TOPAZ1: variants seen among roughly 807,000 people sequenced by gnomAD.
The protein encoded by TOPAZ1 is testis and ovary specific TOPAZ 1.
Under a neutral mutation model 172.2 loss-of-function variants are expected in TOPAZ1, and 66 were observed. The observed-to-expected ratio is 0.38, with a 90% CI of 0.31 to 0.47. The LOEUF is 0.47. TOPAZ1 is among the 20% of genes least tolerant of loss of function. The pLI, the probability that TOPAZ1 is intolerant of heterozygous loss-of-function variation, is 0.99. For missense variants in TOPAZ1, 1,822 were observed against 1,972.4 expected (o/e 0.92, Z 1.44); for synonymous variants, 681 against 683.9 (o/e 1.00, Z 0.07).
intron 2 of TOPAZ1, among the ~76,000 whole-genome samples, chr3:44,249,006 C>G (rs373128537): frequency 2.0e-5 from 3 of 152,170 alleles, no homozygotes; most frequent in African/African-American, 7.2e-5. Flanking sequence ...TTCACTAAAA[C>G]TTGAACTGAT....
chr3:44,316,989 T>A (rs1452814136), intron 16 of TOPAZ1, among the ~76,000 whole-genome samples: 1 of 152,234 alleles, frequency 6.6e-6, no homozygotes, highest in African/African-American at 2.4e-5. Context: ...TCTCTCCACT[T>A]GTCTCCATTT....
At chr3:44,274,621 C>A (rs61444620) in intron 8 of TOPAZ1, among the ~76,000 whole-genome samples, 4 of 149,262 alleles carry the variant, frequency 2.7e-5, no homozygotes, top group South Asian at 4.2e-4. Flanking sequence ...ATGGCACAAT[C>A]TCAGCTCACT....
At position 44,254,992 on chromosome 3, in the gene TOPAZ1, A is replaced by G. The variant is rs973392797; in HGVS notation, c.2790A>G (p.Gly930=). Residue 930 remains glycine, a synonymous_variant, in exon 3 of 20, where the codon GGA becomes GGG. Coordinates refer to ENST00000309765, the MANE Select transcript of TOPAZ1 (RefSeq NM_001145030.2). ...DLRELPVLDC[G]WIKPDICASN... is the part of the protein sequence containing the mutation. ...GAGAACTTCCTGTACTGGACTGTGG[A>G]TGGATAAAGCCAGACATCTGTGCTT... is the stretch of plus-strand genomic sequence containing the variant. 7.7e-6 allele frequency: 12 copies of G among 1,551,446 alleles called. No individual in the cohort carries two copies. The highest frequency in any genetic ancestry group is 2.7e-5 in the African/African-American group (2 of 73,062).
intron 19 of TOPAZ1, among the ~76,000 whole-genome samples, 180 bp downstream of exon 19, chr3:44,328,613 G>T (rs1336756320): frequency 3.3e-5 from 5 of 152,128 alleles, no homozygotes; most frequent in Non-Finnish European, 7.4e-5. Context: ...GAAAGGATTA[G>T]ACCTGTTTGA....
rs1357439430 is a variant in TOPAZ1 at position 44,270,771 on chromosome 3, G to T, written c.3333G>T (p.Leu1111=). 6.4e-7 allele frequency: 1 copy of T among 1,550,768 alleles called. No individual in the cohort carries two copies. Among genetic ancestry groups the T allele is most frequent in the Non-Finnish European group, 8.7e-7 (1 of 1,146,440 alleles). The stretch of plus-strand genomic sequence containing the variant: ...CATTACGTGGCTGTGAGCGACCACT[G>T]TGCAAGTTTGCTCATGTGCCTGAAC... The part of the protein sequence containing the change: ...FNTLRGCERP[L]CKFAHVPEQG... Residue 1111 remains leucine (L), a synonymous_variant, in exon 8 of 20, where the codon CTG becomes CTT. Coordinates refer to ENST00000309765, the MANE Select transcript of TOPAZ1 (RefSeq NM_001145030.2).
At chr3:44,313,938 A>C (rs1209597233) in intron 16 of TOPAZ1, among the ~76,000 whole-genome samples, 1 of 152,230 alleles carries the variant, frequency 6.6e-6, no homozygotes, top group African/African-American at 2.4e-5. Context: ...ATGAAGATGC[A>C]GCTTATGAAA....
At chr3:44,258,625 T>A (rs533254459) in intron 4 of TOPAZ1, among the ~76,000 whole-genome samples, 1 of 152,310 alleles carries the variant, frequency 6.6e-6, no homozygotes, top group South Asian at 2.1e-4. Flanking sequence ...TTCAACCAAG[T>A]CATTGCATAT....
intron 8 of TOPAZ1, among the ~76,000 whole-genome samples, chr3:44,279,132 G>A (rs1459530898): frequency 6.6e-6 from 1 of 152,090 alleles, no homozygotes; most frequent in Non-Finnish European, 1.5e-5. Context: ...TATTTGCACA[G>A]TTTCCAGAGT....
chr3:44,265,751 T>C (rs1360728050), intron 5 of TOPAZ1, among the ~76,000 whole-genome samples: 1 of 152,152 alleles, frequency 6.6e-6, no homozygotes, highest in Admixed American at 6.5e-5. Context: ...CAGGCTTTGA[T>C]GTTTCATTTA....
intron 15 of TOPAZ1, among the ~76,000 whole-genome samples, chr3:44,306,806 A>C (rs938376875): frequency 6.6e-6 from 1 of 152,192 alleles, no homozygotes; most frequent in Non-Finnish European, 1.5e-5. Flanking sequence ...GAAAAATCAG[A>C]CCTTGGTGAT....
intron 18 of TOPAZ1, among the ~76,000 whole-genome samples, 172 bp downstream of exon 18, chr3:44,323,467 T>G (rs569788532): frequency 2.0e-5 from 3 of 152,372 alleles, no homozygotes; most frequent in Admixed American, 1.3e-4. Context: ...TTGTTTCTCT[T>G]CTGTTTCCAG....
downstream of TOPAZ1, among the ~76,000 whole-genome samples, chr3:44,335,870 A>G (rs1335402275): frequency 6.6e-6 from 1 of 152,210 alleles, no homozygotes; most frequent in African/African-American, 2.4e-5. Flanking sequence ...ATTAACTCAA[A>G]GGAAGGAATC....
At chr3:44,258,812 T>C (rs1462783069) in intron 4 of TOPAZ1, among the ~76,000 whole-genome samples, 1 of 152,202 alleles carries the variant, frequency 6.6e-6, no homozygotes, top group Non-Finnish European at 1.5e-5. Flanking sequence ...TCTATGTGTT[T>C]TAATTTCTCT....
intron 12 of TOPAZ1, among the ~76,000 whole-genome samples, chr3:44,302,205 T>A (rs994558014): frequency 2.0e-5 from 3 of 152,166 alleles, no homozygotes; most frequent in Non-Finnish European, 4.4e-5. Flanking sequence ...GGTCAGGAGA[T>A]AGAGACCATT....
At chr3:44,268,805 G>A (rs1699860918) in intron 6 of TOPAZ1, among the ~76,000 whole-genome samples, 1 of 152,076 alleles carries the variant, frequency 6.6e-6, no homozygotes, top group Non-Finnish European at 1.5e-5. Flanking sequence ...GAGGGTTAGG[G>A]CTTCAACATG....
At chr3:44,308,687 G>A (rs1700363125) in intron 15 of TOPAZ1, among the ~76,000 whole-genome samples, 1 of 151,484 alleles carries the variant, frequency 6.6e-6, no homozygotes, top group African/African-American at 2.4e-5. Context: ...ATTTTATTTG[G>A]TTATTATTTG....
At chr3:44,296,865 G>GAAAAAAAAAA (rs1164667443) in intron 12 of TOPAZ1, among the ~76,000 whole-genome samples, 2 of 87,738 alleles carry the variant, frequency 2.3e-5, no homozygotes, top group Admixed American at 1.3e-4. Context: ...AAAAAAAAAA[G>GAAAAAAAAAA]AAAAAAAAAA....
rs1262249013 is a variant in TOPAZ1, at chr3:44,256,200, A to G, written c.2877A>G (p.Glu959=). 2.0e-6 allele frequency: 3 copies of G among 1,531,508 alleles called. No homozygotes were observed. In the East Asian group the frequency reaches 7.6e-5, roughly 39 times the overall value. The allele number at this position is 1,531,508 out of a possible 1,614,324, so 94.9% of individuals were successfully genotyped here. The change falls in exon 4 of 20, where the codon GAA becomes GAG. Residue 959 remains glutamate (E), a synonymous_variant. Transcript: ENST00000309765. ...AAGATGTAAACACTTCCTTAGGAGA[A>G]GTTGCTAATGAGACCTCTGAAAATG... ...DPKDVNTSLG[E]VANETSENET...
rs191470046 is a variant in TOPAZ1, at chr3:44,243,064, C to T, written c.558C>T (p.Thr186=). Reference sequence around the variant, plus strand: ...TAGAAAACCCACCTCTCAAAATAACCGAAAATGAGGCTACACAAAATATTA... The same window carrying T: ...TAGAAAACCCACCTCTCAAAATAACTGAAAATGAGGCTACACAAAATATTA... ...KSLENPPLKI[T]ENEATQNIKV... Residue 186 remains threonine (T), a synonymous_variant, in exon 2 of 20, where the codon ACC becomes ACT. Transcript: ENST00000309765. 3.1e-5 allele frequency: 48 copies of T among 1,544,642 alleles called. No homozygotes were observed. Among genetic ancestry groups the T allele is most frequent in the Middle Eastern group, 1.7e-4 (1 of 5,940 alleles).
Sources: gnomAD v4.1 joint callset for allele counts (sites outside exome capture counted in the v4.1 genomes callset) on GRCh38, gnomAD v4.1.1 for gene constraint, MANE v1.5 for transcripts, NCBI Gene and HGNC (gene_info 2026-07-23, HGNC 2026-07-21) for gene names.